The following HS3ST4 variants were observed in gnomAD, a reference collection of about 807,000 sequenced individuals.
HS3ST4 encodes the protein heparan sulfate glucosamine 3-O-sulfotransferase 4.
HS3ST4 carries 17 observed loss-of-function variants against 29.2 expected under a neutral mutation model. The ratio of observed to expected loss-of-function variants is 0.58; its 90% CI spans 0.40 to 0.87. The LOEUF (loss-of-function observed/expected upper bound fraction) is 0.87, where lower values mean the gene tolerates loss of function less well. Among genes scored for constraint, HS3ST4 ranks in the 40% least tolerant of loss-of-function variants. The pLI, the probability that HS3ST4 is intolerant of heterozygous loss-of-function variation, is 0.00. For synonymous variants in HS3ST4, 314 were observed against 285.7 expected, an observed-to-expected ratio of 1.10 and a Z score of -1.00; for missense variants, 627 against 634.5, an observed-to-expected ratio of 0.99 and a Z score of 0.13.
At chr16:26,118,553 T>C (rs1899229556) in intron 1 of HS3ST4, among the ~76,000 whole-genome samples, 1 of 152,222 alleles carries the variant, frequency 6.6e-6, no homozygotes, top group Non-Finnish European at 1.5e-5. Context: ...GAAATGCAGC[T>C]AGTGTAACTG....
intron 1 of HS3ST4, among the ~76,000 whole-genome samples, chr16:25,794,544 A>T (rs1346427767): frequency 6.6e-6 from 1 of 151,678 alleles, no homozygotes; most frequent in Non-Finnish European, 1.5e-5. Context: ...CACTTTAAAG[A>T]TGTCATTTTG....
chr16:25,694,045 T>C (rs1165037193), intron 1 of HS3ST4, among the ~76,000 whole-genome samples: 1 of 152,254 alleles, frequency 6.6e-6, no homozygotes, highest in African/African-American at 2.4e-5. Flanking sequence ...GCAAACCTCC[T>C]TCGCCTTTGT....
chr16:25,778,627 A>G lies in HS3ST4; in HGVS notation c.734+85476A>G, dbSNP rs190017571. Among the ~76,000 whole-genome samples, 78 of 152,296 alleles carry G rather than the reference A, an allele frequency of 5.1e-4. 1 individual carries two copies. Among genetic ancestry groups the G allele is most frequent in the Admixed American group, 5.0e-3 (77 of 15,292 alleles). On this transcript the variant is annotated intron_variant, in intron 1 of 1. Transcript: ENST00000331351. Reference sequence around the variant, plus strand: ...TTTTGAATAGAGCAGCTGACCCTTTATAATATGAGTGGGCCTCATCCAATC... The same window carrying G: ...TTTTGAATAGAGCAGCTGACCCTTTGTAATATGAGTGGGCCTCATCCAATC...
In HS3ST4 at chr16:26,103,814, G is replaced by A. The variant is rs116237198; in HGVS notation, c.735-31798G>A. On this transcript the variant is annotated intron_variant, in intron 1 of 1. Coordinates refer to ENST00000331351, the MANE Select transcript of HS3ST4 (RefSeq NM_006040.3). Reference sequence around the variant, plus strand: ...TTGGTCCCTGAAAACCAAATTTAAAGAATAGGTTTTTATCAATGTCACTAA... The same window carrying A: ...TTGGTCCCTGAAAACCAAATTTAAAAAATAGGTTTTTATCAATGTCACTAA... Among the ~76,000 whole-genome samples the A allele has an allele frequency of 4.6e-3, 706 of 152,164 alleles. 7 individuals are homozygous for A. Among genetic ancestry groups the A allele is most frequent in the African/African-American group, 0.016 (666 of 41,522 alleles).
chr16:25,939,147 TG>T (rs1305418584), intron 1 of HS3ST4, among the ~76,000 whole-genome samples: 4 of 152,010 alleles, frequency 2.6e-5, no homozygotes, highest in Non-Finnish European at 4.4e-5. Flanking sequence ...TTGGGCCAGG[TG>T]GGGATGGTGG....
intron 1 of HS3ST4, among the ~76,000 whole-genome samples, chr16:25,936,562 T>A (rs1004647871): frequency 6.6e-6 from 1 of 152,208 alleles, no homozygotes; most frequent in African/African-American, 2.4e-5. Flanking sequence ...GATCTCAAGA[T>A]GAATTTAGCG....
chr16:25,854,022 T>C (rs1967548094), intron 1 of HS3ST4, among the ~76,000 whole-genome samples: 1 of 152,200 alleles, frequency 6.6e-6, no homozygotes, highest in Non-Finnish European at 1.5e-5. Flanking sequence ...GATCTCCCTA[T>C]TTGATATTGG....
chr16:25,694,448 C>G (rs548837807), intron 1 of HS3ST4, among the ~76,000 whole-genome samples: 1 of 152,314 alleles, frequency 6.6e-6, no homozygotes, highest in East Asian at 1.9e-4. Context: ...AGGGAAGCAG[C>G]AAATGTGTCT....
At chr16:25,952,434 A>G (rs905582121) in intron 1 of HS3ST4, among the ~76,000 whole-genome samples, 1 of 152,178 alleles carries the variant, frequency 6.6e-6, no homozygotes, top group Non-Finnish European at 1.5e-5. Context: ...CAACTCCATC[A>G]GGGGGATTCA....
At chr16:25,973,498 C>A (rs1968915991) in intron 1 of HS3ST4, among the ~76,000 whole-genome samples, 1 of 152,114 alleles carries the variant, frequency 6.6e-6, no homozygotes, top group Non-Finnish European at 1.5e-5. Flanking sequence ...CAAGATGTGC[C>A]CATGAAGAGT....
At chr16:25,729,614 C>T (rs1356340112) in intron 1 of HS3ST4, among the ~76,000 whole-genome samples, 1 of 151,754 alleles carries the variant, frequency 6.6e-6, no homozygotes, top group African/African-American at 2.4e-5. Flanking sequence ...AGACTTGAAT[C>T]CTCTAATTTT....
rs535741083 is a variant in HS3ST4 at position 25,842,435 on chromosome 16, T to A, written c.734+149284T>A. Reference sequence around the variant, plus strand: ...TTCAGTGATCGTATATGCCCCACTGTACTGTGATTTTTTATTTTTCTTGCT... The same window carrying A: ...TTCAGTGATCGTATATGCCCCACTGAACTGTGATTTTTTATTTTTCTTGCT... On this transcript the variant is annotated intron_variant, in intron 1 of 1. Transcript: ENST00000331351. Among the ~76,000 whole-genome samples, 5 of 152,322 alleles carry A rather than the reference T, an allele frequency of 3.3e-5. No individual in the cohort carries two copies. In the South Asian group the frequency reaches 1.0e-3, roughly 32 times the overall value.
intron 1 of HS3ST4, among the ~76,000 whole-genome samples, chr16:25,925,298 A>G (rs550694991): frequency 6.6e-6 from 1 of 151,566 alleles, no homozygotes; most frequent in African/African-American, 2.4e-5. Flanking sequence ...TAGGTCACAG[A>G]CTCTAACCCT....
chr16:25,750,172 C>G (rs1275061299), intron 1 of HS3ST4, among the ~76,000 whole-genome samples: 1 of 152,032 alleles, frequency 6.6e-6, no homozygotes, highest in East Asian at 1.9e-4. Context: ...ACTGGGTCAC[C>G]TGGGATGGTT....
At chr16:26,093,729 C>T (rs955156095) in intron 1 of HS3ST4, among the ~76,000 whole-genome samples, 1 of 152,166 alleles carries the variant, frequency 6.6e-6, no homozygotes, top group Non-Finnish European at 1.5e-5. Context: ...CAGCTCCTTG[C>T]CAGCAACGGA....
chr16:25,929,577 T>C (rs1226985963), intron 1 of HS3ST4, among the ~76,000 whole-genome samples: 1 of 152,002 alleles, frequency 6.6e-6, no homozygotes, highest in African/African-American at 2.4e-5. Context: ...GCCCACAAAA[T>C]AATTGGTCTG....
intron 1 of HS3ST4, among the ~76,000 whole-genome samples, chr16:25,798,305 A>G (rs1329126573): frequency 6.6e-6 from 1 of 152,214 alleles, no homozygotes; most frequent in African/African-American, 2.4e-5. Flanking sequence ...GTAACAAATC[A>G]GCCCCAAATC....
chr16:25,847,510 T>G (rs1244856240), intron 1 of HS3ST4, among the ~76,000 whole-genome samples: 1 of 152,220 alleles, frequency 6.6e-6, no homozygotes, highest in African/African-American at 2.4e-5. Context: ...GTGCAATGTC[T>G]AGAATATCTA....
In HS3ST4 at chr16:26,008,824, A is replaced by C. The variant is rs553676017; in HGVS notation, c.735-126788A>C. Among the ~76,000 whole-genome samples the C allele has an allele frequency of 3.3e-5, 5 of 152,300 alleles. No individual in the cohort carries two copies. The East Asian group carries it at 5.8e-4, about 18-fold the overall frequency. On this transcript the variant is annotated intron_variant, in intron 1 of 1. Coordinates refer to ENST00000331351, the MANE Select transcript of HS3ST4 (RefSeq NM_006040.3). ...ATAGAGTGAGACCATGTCTCTAGAA[A>C]AAAACAAAACAAAACCCAAGATACC...
Sources: gnomAD v4.1 joint callset for allele counts (sites outside exome capture counted in the v4.1 genomes callset) on GRCh38, gnomAD v4.1.1 for gene constraint, MANE v1.5 for transcripts, NCBI Gene and HGNC (gene_info 2026-07-23, HGNC 2026-07-21) for gene names.